The following FYB1 variants were observed in gnomAD, a reference collection of about 807,000 sequenced individuals.
The protein encoded by FYB1 is FYN-binding protein 1.
In FYB1, 41 loss-of-function variants were observed where a neutral mutation model predicts 94.1. The observed-to-expected ratio is 0.44, with a 90% CI of 0.34 to 0.57. The LOEUF (loss-of-function observed/expected upper bound fraction) is 0.57. Among genes scored for constraint, FYB1 ranks in the 20% least tolerant of loss-of-function variants. The pLI is 0.02. For missense variants in FYB1, 1,050 were observed against 976.8 expected (o/e 1.07, Z -1.00); for synonymous variants, 367 against 353.2 (o/e 1.04, Z -0.44).
intron 2 of FYB1, among the ~76,000 whole-genome samples, chr5:39,173,773 G>A (rs974525323): frequency 1.3e-5 from 2 of 152,054 alleles, no homozygotes; most frequent in Admixed American, 6.6e-5. Context: ...GTTCATTTCT[G>A]GGTTCTTTAT....
At chr5:39,253,996 C>T (rs915845767) in intron 1 of FYB1, among the ~76,000 whole-genome samples, 12 of 152,082 alleles carry the variant, frequency 7.9e-5, no homozygotes, top group South Asian at 2.1e-4. Flanking sequence ...GTTCCATCCA[C>T]GTCCCATCCA....
At chr5:39,214,456 A>G (rs536766972) in intron 1 of FYB1, among the ~76,000 whole-genome samples, 1 of 152,266 alleles carries the variant, frequency 6.6e-6, no homozygotes, top group Non-Finnish European at 1.5e-5. Context: ...TTATAGTAGC[A>G]TAATTTACAA....
At chr5:39,241,685 C>A (rs1751211911) in intron 1 of FYB1, among the ~76,000 whole-genome samples, 1 of 152,118 alleles carries the variant, frequency 6.6e-6, no homozygotes, top group African/African-American at 2.4e-5. Context: ...CTGTGTCCTG[C>A]ACAACCGTAA....
intron 1 of FYB1, among the ~76,000 whole-genome samples, chr5:39,235,642 A>G (rs1750925626): frequency 1.3e-5 from 2 of 151,076 alleles, no homozygotes; most frequent in Non-Finnish European, 2.9e-5. Flanking sequence ...TTTTTATTGT[A>G]TAAACAGTCG....
At chr5:39,108,101 T>C in intron 18 of FYB1, 130 bp downstream of exon 18, 1 of 858,178 alleles carries the variant, frequency 1.2e-6, no homozygotes, top group Non-Finnish European at 1.7e-6. Context: ...ATTTACCTTT[T>C]CTAACATTTT....
chr5:39,248,565 G>A (rs1561307221), intron 1 of FYB1, among the ~76,000 whole-genome samples: 1 of 152,190 alleles, frequency 6.6e-6, no homozygotes, highest in Non-Finnish European at 1.5e-5. Context: ...TTGGCCGGGT[G>A]CTGTGGTTCA....
chr5:39,208,846 T>C (rs992305620), intron 1 of FYB1: 2 of 152,214 alleles, frequency 1.3e-5, no homozygotes, highest in Admixed American at 1.3e-4. Context: ...TGTTCTCCCC[T>C]AAGCTGGAGA....
At chr5:39,194,387 G>A (rs1050919598) in intron 2 of FYB1, among the ~76,000 whole-genome samples, 2 of 152,042 alleles carry the variant, frequency 1.3e-5, no homozygotes, top group African/African-American at 2.4e-5. Flanking sequence ...AAAGCTGGAC[G>A]TGGTAATATG....
chr5:39,260,219 AT>A (rs1165101307), intron 1 of FYB1, among the ~76,000 whole-genome samples: 1 of 152,216 alleles, frequency 6.6e-6, no homozygotes, highest in Non-Finnish European at 1.5e-5. Context: ...GAAGAAAGTC[AT>A]TAGGCTTTAG....
intron 1 of FYB1, among the ~76,000 whole-genome samples, chr5:39,273,029 C>A (rs1185835355): frequency 1.3e-5 from 2 of 152,194 alleles, no homozygotes; most frequent in Non-Finnish European, 1.5e-5. Context: ...AGGTGGGGGG[C>A]GCCTCCGCCC....
rs537969737 is a variant in FYB1, at chr5:39,195,270, TC to T, written c.1135+6555del. On this transcript the variant is annotated intron_variant, in intron 2 of 18. Coordinates refer to ENST00000512982, the MANE Select transcript of FYB1 (RefSeq NM_001465.6). ...ACGTTTCTAAAATGTGAACATAGAA[TC>T]CTTTTTCCCTGTGGTGGCTAGGAGC... 3.9e-4 allele frequency among the ~76,000 whole-genome samples: 59 copies of T among 152,326 alleles called. 1 individual carries two copies. The East Asian group carries it at 8.7e-3, about 22-fold the overall frequency.
At chr5:39,220,348 C>T (rs925755645), upstream of FYB1, among the ~76,000 whole-genome samples, 12 of 149,738 alleles carry the variant, frequency 8.0e-5, no homozygotes, top group East Asian at 2.4e-3. Context: ...GAGTTCAAGG[C>T]TTCAGTGAGC....
chr5:39,112,853 T>C (rs958355852), intron 16 of FYB1, among the ~76,000 whole-genome samples: 12 of 152,266 alleles, frequency 7.9e-5, no homozygotes, highest in African/African-American at 2.9e-4. Flanking sequence ...GAACACTTTG[T>C]TGCTGTTGTT....
intron 1 of FYB1, among the ~76,000 whole-genome samples, chr5:39,242,846 A>G (rs1751275685): frequency 6.6e-6 from 1 of 152,070 alleles, no homozygotes; most frequent in Non-Finnish European, 1.5e-5. Context: ...CTGGAGTGAG[A>G]TGGTATCTCA....
chr5:39,186,638 C>CTTTTTTTTTTTTTTTTTTTTTTT (rs56144868), intron 2 of FYB1, among the ~76,000 whole-genome samples: 1 of 76,356 alleles, frequency 1.3e-5, no homozygotes, highest in Non-Finnish European at 2.5e-5. Flanking sequence ...CAATTGGATG[C>CTTTTTTTTTTTTTTTTTTTTTTT]TTTTTTTTTT....
chr5:39,253,510 T>G (rs1175181237), intron 1 of FYB1, among the ~76,000 whole-genome samples: 1 of 152,152 alleles, frequency 6.6e-6, no homozygotes, highest in African/African-American at 2.4e-5. Context: ...ATATATAGGA[T>G]TGTTACATAG....
chr5:39,220,501 GA>G (rs1379354454), upstream of FYB1, among the ~76,000 whole-genome samples: 5 of 151,096 alleles, frequency 3.3e-5, no homozygotes, highest in Admixed American at 6.6e-5. Flanking sequence ...GAGAAAAAAA[GA>G]AAAGAAAAGA....
chr5:39,130,750 G>A, intron 9 of FYB1, 138 bp from the exon 10 acceptor site: 1 of 644,600 alleles, frequency 1.6e-6, no homozygotes, highest in East Asian at 2.8e-5. Flanking sequence ...TATGTAAAGA[G>A]GAAAAAATGT....
chr5:39,152,329 CT>C (rs1743320225), intron 3 of FYB1, among the ~76,000 whole-genome samples: 1 of 152,100 alleles, frequency 6.6e-6, no homozygotes, highest in Non-Finnish European at 1.5e-5. Flanking sequence ...GTTTTCTATC[CT>C]TTCCCTAAAT....
Sources: allele counts gnomAD v4.1 joint callset (sites outside exome capture counted in the v4.1 genomes callset), GRCh38; gene constraint gnomAD v4.1.1; transcripts MANE v1.5; gene names NCBI Gene and HGNC (gene_info 2026-07-23, HGNC 2026-07-21).